The following HCN1 variants were observed in gnomAD, a reference collection of about 807,000 sequenced individuals.
The protein encoded by HCN1 is hyperpolarization activated cyclic nucleotide gated potassium channel 1, also known as potassium/sodium hyperpolarization-activated cyclic nucleotide-gated channel 1.
HCN1 carries 13 observed loss-of-function variants against 78.9 expected under a neutral mutation model. That is an observed-to-expected ratio of 0.16 (90% CI 0.11 to 0.26). The LOEUF is 0.26. HCN1 is among the 10% of genes least tolerant of loss of function. HCN1 has a pLI of 1.00. For synonymous variants in HCN1, 552 were observed against 455.5 expected, an observed-to-expected ratio of 1.21 and a Z score of -2.70; for missense variants, 810 against 1,154.3, an observed-to-expected ratio of 0.70 and a Z score of 4.32.
intron 5 of HCN1, among the ~76,000 whole-genome samples, chr5:45,320,120 A>G (rs1009857336): frequency 1.3e-5 from 2 of 151,840 alleles, no homozygotes; most frequent in South Asian, 2.1e-4. Context: ...AACACACCCT[A>G]TATTTTTAGA....
At chr5:45,366,824 T>C (rs6861183) in intron 4 of HCN1, among the ~76,000 whole-genome samples, 10,222 of 151,796 alleles carry the variant, frequency 0.067, 475 homozygotes, top group East Asian at 0.13. Context: ...TCAGTACAAA[T>C]TAAAAACCTG....
intron 2 of HCN1, among the ~76,000 whole-genome samples, chr5:45,506,664 C>G (rs1393949384): frequency 6.6e-6 from 1 of 152,024 alleles, no homozygotes; most frequent in African/African-American, 2.4e-5. Context: ...CTTTGTATTG[C>G]TATTTTTATT....
At chr5:45,527,531 ATTCTCTCTCTCTT>A (rs1300361705) in intron 2 of HCN1, among the ~76,000 whole-genome samples, 6 of 149,458 alleles carry the variant, frequency 4.0e-5, no homozygotes, top group Non-Finnish European at 8.9e-5. Context: ...CATCATTCTC[ATTCTCTCTCTCTT>A]TTCTCTCTCT....
chr5:45,483,569 T>C (rs1248906694), intron 2 of HCN1, among the ~76,000 whole-genome samples: 4 of 152,188 alleles, frequency 2.6e-5, no homozygotes, highest in South Asian at 2.1e-4. Flanking sequence ...ATTCTGAAGG[T>C]TGTCTGTTTA....
intron 5 of HCN1, among the ~76,000 whole-genome samples, chr5:45,304,448 C>A (rs113858229): frequency 6.6e-6 from 1 of 151,864 alleles, no homozygotes; most frequent in Non-Finnish European, 1.5e-5. Flanking sequence ...GAGGCCAAGG[C>A]GGGTGGATCA....
At position 45,328,565 on chromosome 5, in the gene HCN1, C is replaced by T. The variant is rs529122750; in HGVS notation, c.1377+24535G>A. 4.0e-5 allele frequency among the ~76,000 whole-genome samples: 6 copies of T among 151,678 alleles called. No individual in the cohort carries two copies. In the East Asian group the frequency reaches 1.2e-3, roughly 30 times the overall value. On this transcript the variant is annotated intron_variant, in intron 5 of 7. Transcript: ENST00000303230. ...AGCATAATGATACAGCAACAGTTTACCTGATAACCAAGATGACTATGAAGT... is the reference window on the plus strand; with the variant it reads ...AGCATAATGATACAGCAACAGTTTATCTGATAACCAAGATGACTATGAAGT...
intron 5 of HCN1, among the ~76,000 whole-genome samples, chr5:45,319,696 G>A (rs1366010231): frequency 6.9e-6 from 1 of 144,138 alleles, no homozygotes; most frequent in Admixed American, 7.0e-5. Flanking sequence ...TTGTTTCCTG[G>A]TTTTTTTTTT....
chr5:45,540,345 A>G (rs1579957689), intron 2 of HCN1, among the ~76,000 whole-genome samples: 1 of 148,648 alleles, frequency 6.7e-6, no homozygotes, highest in Admixed American at 6.7e-5. Flanking sequence ...TTTTTTTGAG[A>G]GAGAGAGAGT....
At chr5:45,609,099 A>G (rs1744782539) in intron 2 of HCN1, among the ~76,000 whole-genome samples, 1 of 152,114 alleles carries the variant, frequency 6.6e-6, no homozygotes, top group Admixed American at 6.6e-5. Flanking sequence ...ACATGAGGCA[A>G]CAGTAACTCT....
chr5:45,277,587 C>T (rs1745089823), intron 6 of HCN1, among the ~76,000 whole-genome samples: 1 of 152,046 alleles, frequency 6.6e-6, no homozygotes, highest in African/African-American at 2.4e-5. Context: ...TCATGAAACT[C>T]TTTCTCACAT....
intron 5 of HCN1, among the ~76,000 whole-genome samples, chr5:45,328,402 T>C (rs1199368169): frequency 2.6e-5 from 4 of 151,598 alleles, no homozygotes; most frequent in Non-Finnish European, 5.9e-5. Context: ...CTCTGGCATA[T>C]ACGAATGACC....
intron 2 of HCN1, among the ~76,000 whole-genome samples, chr5:45,629,522 C>G (rs1745232861): frequency 6.6e-6 from 1 of 152,046 alleles, no homozygotes; most frequent in Admixed American, 6.6e-5. Context: ...ATATAATTTA[C>G]TGGTAGCCAA....
In HCN1 at chr5:45,356,395, G is replaced by GCATGTA. The variant is rs1414044926; in HGVS notation, c.1231-3155_1231-3150dup. Among the ~76,000 whole-genome samples, 3 of 151,752 alleles carry GCATGTA rather than the reference G, an allele frequency of 2.0e-5. No homozygotes were observed. The East Asian group carries it at 5.8e-4, about 29-fold the overall frequency. On this transcript the variant is annotated intron_variant, in intron 4 of 7. Transcript: ENST00000303230. The stretch of plus-strand genomic sequence containing the variant: ...TAATTATAAAAATTTATAAAAGTAT[G>GCATGTA]CATGTACATGATTATTAAAAATGAG...
At chr5:45,485,743 C>T (rs987334778) in intron 2 of HCN1, among the ~76,000 whole-genome samples, 4 of 152,000 alleles carry the variant, frequency 2.6e-5, no homozygotes, top group Non-Finnish European at 5.9e-5. Flanking sequence ...TAGAAAAGAT[C>T]CAAGGGTTCA....
chr5:45,683,961 G>A (rs1057185932), intron 1 of HCN1, among the ~76,000 whole-genome samples: 2 of 151,780 alleles, frequency 1.3e-5, no homozygotes, highest in African/African-American at 2.4e-5. Flanking sequence ...ATGAGCCACC[G>A]TGCCTGGTCC....
intron 2 of HCN1, among the ~76,000 whole-genome samples, chr5:45,473,108 A>G (rs886675493): frequency 2.6e-5 from 4 of 151,916 alleles, no homozygotes; most frequent in African/African-American, 4.8e-5. Flanking sequence ...ACAAAGATCC[A>G]TTATTTCAAC....
chr5:45,536,537 C>T (rs915605185), intron 2 of HCN1, among the ~76,000 whole-genome samples: 7 of 152,042 alleles, frequency 4.6e-5, no homozygotes, highest in Non-Finnish European at 1.0e-4. Flanking sequence ...CTTTTCATGG[C>T]TTATATTTCT....
chr5:45,442,626 AC>A lies in HCN1; in HGVS notation c.1011+19219del, dbSNP rs1434139772. ...CCATATATAAAATATAATGGCATTT[AC>A]AATAAAAAACATCTGAATATTCAGC... On this transcript the variant is annotated intron_variant, in intron 3 of 7. Coordinates refer to ENST00000303230, the MANE Select transcript of HCN1 (RefSeq NM_021072.4). 5.7e-3 allele frequency among the ~76,000 whole-genome samples: 865 copies of A among 152,144 alleles called. 7 individuals carry two copies. The highest frequency in any genetic ancestry group is 8.1e-3 in the Non-Finnish European group (550 of 67,936).
intron 2 of HCN1, among the ~76,000 whole-genome samples, chr5:45,584,431 G>A (rs1301724257): frequency 3.3e-5 from 5 of 152,216 alleles, no homozygotes; most frequent in East Asian, 1.9e-4. Flanking sequence ...TTCTCTGCAC[G>A]TGAGATGGGT....
Sources: allele counts gnomAD v4.1 joint callset (sites outside exome capture counted in the v4.1 genomes callset), GRCh38; gene constraint gnomAD v4.1.1; transcripts MANE v1.5; gene names NCBI Gene and HGNC (gene_info 2026-07-23, HGNC 2026-07-21).